Variants in LRBA observed in about 807,000 individuals in gnomAD.
The protein encoded by LRBA is LPS responsive beige-like anchor protein.
In LRBA, 176 loss-of-function variants were observed where a neutral mutation model predicts 330.0. The observed-to-expected ratio is 0.53, with a 90% CI of 0.47 to 0.60. The LOEUF (loss-of-function observed/expected upper bound fraction) is 0.60. Among genes scored for constraint, LRBA ranks in the 20% least tolerant of loss-of-function variants. LRBA has a pLI of 0.00. For synonymous variants in LRBA, 1,230 were observed against 1,193.0 expected, an observed-to-expected ratio of 1.03 and a Z score of -0.64; for missense variants, 3,259 against 3,444.8, an observed-to-expected ratio of 0.95 and a Z score of 1.35.
At chr4:150,426,890 GTTCT>G (rs1265456476) in intron 46 of LRBA, among the ~76,000 whole-genome samples, 1 of 151,692 alleles carries the variant, frequency 6.6e-6, no homozygotes, top group Non-Finnish European at 1.5e-5. Context: ...ATAATTTATG[GTTCT>G]TTCTTGCTTT....
At chr4:150,545,979 C>T (rs1765815204) in intron 40 of LRBA, among the ~76,000 whole-genome samples, 1 of 151,504 alleles carries the variant, frequency 6.6e-6, no homozygotes, top group South Asian at 2.1e-4. Context: ...TCTAAAATTA[C>T]AGGTATAGTC....
At chr4:150,472,033 C>T (rs536927692) in intron 42 of LRBA, among the ~76,000 whole-genome samples, 1 of 151,982 alleles carries the variant, frequency 6.6e-6, no homozygotes, top group Non-Finnish European at 1.5e-5. Context: ...TAATTCACTG[C>T]TTTAATGATA....
intron 37 of LRBA, among the ~76,000 whole-genome samples, chr4:150,659,015 A>G (rs1295872621): frequency 3.4e-5 from 4 of 115,950 alleles, no homozygotes; most frequent in Admixed American, 9.4e-5. Context: ...TCGTTCACTC[A>G]GTGCTCAATG....
At chr4:150,792,569 T>G (rs1266174529) in intron 34 of LRBA, among the ~76,000 whole-genome samples, 1 of 152,146 alleles carries the variant, frequency 6.6e-6, no homozygotes, top group Non-Finnish European at 1.5e-5. Flanking sequence ...AGTGCACCAG[T>G]GCGACCCTAG....
At chr4:150,979,216 CCA>C (rs1740563345) in intron 2 of LRBA, among the ~76,000 whole-genome samples, 1 of 152,138 alleles carries the variant, frequency 6.6e-6, no homozygotes, top group African/African-American at 2.4e-5. Context: ...AACCTTAAAG[CCA>C]CATGAGAGTG....
intron 40 of LRBA, among the ~76,000 whole-genome samples, chr4:150,548,326 T>C (rs1035913282): frequency 6.6e-6 from 1 of 152,186 alleles, no homozygotes; most frequent in Non-Finnish European, 1.5e-5. Flanking sequence ...CTATTTGGGA[T>C]GTCTTCAACA....
In LRBA at chr4:150,893,133, T is replaced by A. The variant is rs776444917; in HGVS notation, c.2084A>T (p.Asp695Val). Residue 695 changes from aspartate to valine, a missense_variant, in exon 17 of 57, where the codon GAT becomes GTT. Physicochemically the swap from Asp to Val is radical, Grantham distance 152. Coordinates refer to ENST00000651943, the MANE Select transcript of LRBA (RefSeq NM_001364905.1). The part of the protein sequence containing the change: ...LTMHEDDNLM[D>V]VLQLLVALMS... ...TAATGCAACAAGCAGCTGTAGGACA[T>A]CCATTAGATTGTCATCCTATAATCA... 2 of 1,605,784 alleles carry A rather than the reference T, an allele frequency of 1.2e-6. No homozygotes were observed. The highest frequency in any genetic ancestry group is 1.1e-5 in the South Asian group (1 of 90,048).
chr4:150,373,977 A>C (rs1354275648), intron 47 of LRBA, among the ~76,000 whole-genome samples: 1 of 152,050 alleles, frequency 6.6e-6, no homozygotes, highest in African/African-American at 2.4e-5. Context: ...TCTGCTACCT[A>C]AAAAGAATTT....
chr4:150,376,491 C>T (rs996551873), intron 47 of LRBA, among the ~76,000 whole-genome samples: 10 of 152,060 alleles, frequency 6.6e-5, no homozygotes, highest in Non-Finnish European at 1.3e-4. Context: ...CTCAGCTTCC[C>T]CTAATGTTAG....
At chr4:150,714,610 T>C (rs747078025) in intron 36 of LRBA, among the ~76,000 whole-genome samples, 7 of 152,160 alleles carry the variant, frequency 4.6e-5, no homozygotes, top group Non-Finnish European at 1.0e-4. Context: ...TACCAATGTA[T>C]TGTATTCTTA....
chr4:150,950,281 C>A (rs1736686235), intron 2 of LRBA, among the ~76,000 whole-genome samples: 1 of 152,110 alleles, frequency 6.6e-6, no homozygotes, highest in Non-Finnish European at 1.5e-5. Context: ...TACTTGAACT[C>A]AAACATCATA....
intron 36 of LRBA, among the ~76,000 whole-genome samples, chr4:150,688,388 G>A: frequency 6.6e-6 from 1 of 152,158 alleles, no homozygotes; most frequent in East Asian, 1.9e-4. Context: ...CAGGACATAG[G>A]CATGGGCAAA....
chr4:150,987,304 G>C (rs1741571772), intron 2 of LRBA, among the ~76,000 whole-genome samples: 1 of 152,160 alleles, frequency 6.6e-6, no homozygotes, highest in African/African-American at 2.4e-5. Context: ...AGCCAATACA[G>C]TAAGTACTGA....
At chr4:150,277,568 T>C (rs1292298100) in intron 56 of LRBA, among the ~76,000 whole-genome samples, 6 of 152,094 alleles carry the variant, frequency 3.9e-5, no homozygotes, top group Admixed American at 3.9e-4. Context: ...TTTAAAAAAG[T>C]GTTCTTGGTT....
intron 38 of LRBA, among the ~76,000 whole-genome samples, chr4:150,594,328 A>G (rs568327998): frequency 6.6e-6 from 1 of 152,074 alleles, no homozygotes; most frequent in South Asian, 2.1e-4. Context: ...AAAAATTAGA[A>G]CAAAACTTTT....
chr4:150,685,416 ATATATTTTTTTTTTTTTT>A lies in LRBA; in HGVS notation c.5755-1717_5755-1700del, dbSNP rs1783504558. On this transcript the variant is annotated intron_variant, in intron 36 of 56. Coordinates refer to ENST00000651943, the MANE Select transcript of LRBA (RefSeq NM_001364905.1). ...TATATATATATATATATATATATAT[ATATATTTTTTTTTTTTTT>A]TTTTTTTTTTTTTTTTGAGACAGTC... is the stretch of plus-strand genomic sequence containing the variant. 2.0e-4 allele frequency among the ~76,000 whole-genome samples: 4 copies of A among 20,126 alleles called. 1 individual carries two copies. The South Asian group carries it at 0.013, about 63-fold the overall frequency. The allele number at this position is 20,126 out of a possible 152,430, so 13.2% of individuals were successfully genotyped here.
intron 30 of LRBA, among the ~76,000 whole-genome samples, chr4:150,825,248 T>C (rs574890834): frequency 6.6e-6 from 1 of 152,360 alleles, no homozygotes; most frequent in South Asian, 2.1e-4. Flanking sequence ...TAATGCATAC[T>C]GTACTACTGT....
chr4:150,912,042 C>A (rs1008062143), intron 9 of LRBA, among the ~76,000 whole-genome samples: 1 of 152,018 alleles, frequency 6.6e-6, no homozygotes, highest in Admixed American at 6.6e-5. Flanking sequence ...AATGCCTCCT[C>A]CTTAATTTCT....
At chr4:150,932,355 T>C (rs1342648190) in intron 2 of LRBA, among the ~76,000 whole-genome samples, 1 of 142,044 alleles carries the variant, frequency 7.0e-6, no homozygotes, top group Non-Finnish European at 1.5e-5. Context: ...TTGTGGGAAC[T>C]AGGGTGTTAA....
Sources: allele counts gnomAD v4.1 joint callset (sites outside exome capture counted in the v4.1 genomes callset), GRCh38; gene constraint gnomAD v4.1.1; transcripts MANE v1.5; gene names NCBI Gene and HGNC (gene_info 2026-07-23, HGNC 2026-07-21).